The following MAST3 variants were observed in gnomAD, a reference collection of about 807,000 sequenced individuals.
MAST3 encodes microtubule associated serine/threonine kinase 3.
In MAST3, 43 loss-of-function variants were observed where a neutral mutation model predicts 127.0. The observed-to-expected ratio is 0.34, with a 90% CI of 0.27 to 0.44. The LOEUF is 0.44. Among genes scored for constraint, MAST3 ranks in the 20% least tolerant of loss-of-function variants. The pLI, the probability that MAST3 is intolerant of heterozygous loss-of-function variation, is 1.00. For synonymous variants in MAST3, 785 were observed against 809.2 expected (o/e 0.97, Z 0.51); for missense variants, 1,390 against 1,919.1 (o/e 0.72, Z 5.15).
intron 1 of MAST3, among the ~76,000 whole-genome samples, chr19:18,099,255 C>T (rs1013012484): frequency 3.5e-5 from 5 of 142,824 alleles, no homozygotes; most frequent in Non-Finnish European, 6.0e-5. Flanking sequence ...CAGAGACACC[C>T]GGTCTCTGGC....
intron 21 of MAST3, among the ~76,000 whole-genome samples, chr19:18,142,717 G>A (rs952628239): frequency 1.0e-4 from 15 of 150,268 alleles, no homozygotes; most frequent in African/African-American, 3.2e-4. Flanking sequence ...GCAGTGGCAC[G>A]ATCATAGCTC....
At position 18,144,086 on chromosome 19, in the gene MAST3, G is replaced by T; in HGVS notation, c.2584+79G>T. On this transcript the variant is annotated intron_variant, in intron 22 of 27. Transcript: ENST00000687212. The surrounding 1 kb of genome is among the most constrained non-coding windows in gnomAD (Gnocchi z 4.0). ...GGGCTATTTGAGATGGGTTTTCAAG[G>T]ATGAGTAGGAGTTCTCCAGAGCCAA... 2 of 1,502,564 alleles carry T rather than the reference G, an allele frequency of 1.3e-6. No individual in the cohort carries two copies. The highest frequency in any genetic ancestry group is 1.4e-5 in the African/African-American group (1 of 71,896). The allele number at this position is 1,502,564 out of a possible 1,614,324, so 93.1% of individuals were successfully genotyped here.
intron 1 of MAST3, among the ~76,000 whole-genome samples, chr19:18,100,361 G>A (rs1162852205): frequency 1.3e-5 from 2 of 151,782 alleles, no homozygotes; most frequent in African/African-American, 4.8e-5. Flanking sequence ...CCTGATCTCA[G>A]GTGATCCGCC....
At position 18,145,027 on chromosome 19, in the gene MAST3, T is replaced by A; in HGVS notation, c.2837T>A (p.Met946Lys). 1 of 1,595,156 alleles carries A rather than the reference T, an allele frequency of 6.3e-7. No individual in the cohort carries two copies. Among genetic ancestry groups the A allele is most frequent in the Non-Finnish European group, 8.6e-7 (1 of 1,168,742 alleles). ...TADDGSGGPL[M>K]SPLSPRSLSS... ...GATGATGGCAGCGGCGGCCCCCTCA[T>A]GAGCCCCCTTTCCCCGCGCTCTCTG... Residue 946 changes from methionine (M) to lysine (K), a missense_variant, in exon 24 of 28, where the codon ATG becomes AAG. Met to Lys is a moderately conservative substitution (Grantham distance 95). Around this residue, in one of 5 missense-constraint regions of MAST3, gnomAD observed 816 missense variants for 934.1 expected, o/e 0.87. Transcript: ENST00000687212. The surrounding 1 kb of genome is among the most constrained non-coding windows in gnomAD (Gnocchi z 5.9).
intron 3 of MAST3, among the ~76,000 whole-genome samples, chr19:18,113,608 C>A (rs1403728133): frequency 1.1e-4 from 16 of 152,040 alleles, no homozygotes; most frequent in Non-Finnish European, 2.2e-4. Context: ...TTACAGGCAT[C>A]TGCCACCACT....
At chr19:18,109,135 A>G (rs2038302326) in intron 2 of MAST3, among the ~76,000 whole-genome samples, 1 of 152,100 alleles carries the variant, frequency 6.6e-6, no homozygotes, top group Non-Finnish European at 1.5e-5. Context: ...GCTTGGGCAA[A>G]GTTTCTGGGG....
Position 18,106,966 on chromosome 19 carries a change from A to ATTTTTTT in MAST3, c.40-597_40-591dup, listed in dbSNP as rs60298417. Reference sequence around the variant, plus strand: ...CAGGCTTGAGCCACCATGCCCAGCAATTTTTTTTTTTTTTTTTTTTTTTTT... The same window carrying ATTTTTTT: ...CAGGCTTGAGCCACCATGCCCAGCAATTTTTTTTTTTTTTTTTTTTTTTTTTTTTTTT... On this transcript the variant is annotated intron_variant, in intron 1 of 27. Coordinates refer to ENST00000687212, the MANE Select transcript of MAST3 (RefSeq NM_001393504.1). 1.0e-3 allele frequency among the ~76,000 whole-genome samples: 74 copies of ATTTTTTT among 73,944 alleles called. 3 individuals are homozygous for ATTTTTTT. The highest frequency in any genetic ancestry group is 4.1e-3 in the African/African-American group (65 of 16,004). The allele number at this position is 73,944 out of a possible 152,430, so 48.5% of individuals were successfully genotyped here.
chr19:18,109,703 G>A (rs960072829), intron 2 of MAST3, among the ~76,000 whole-genome samples: 3 of 152,180 alleles, frequency 2.0e-5, no homozygotes, highest in African/African-American at 7.2e-5. Context: ...ATATGGGTGA[G>A]GGGGCGACCT....
chr19:18,142,016 G>A lies in MAST3; in HGVS notation c.2339+1G>A. 6.7e-7 allele frequency: 1 copy of A among 1,486,282 alleles called. No individual in the cohort carries two copies. Among genetic ancestry groups the A allele is most frequent in the Non-Finnish European group, 9.0e-7 (1 of 1,105,154 alleles). 92.1% of individuals were successfully genotyped at this position (1,486,282 alleles called of 1,614,324 possible). ...GCCGCCGGCTGAGTGCTGACATCCG[G>A]TAAGTGGCCTGGGGAAGTGTAGGCA... On this transcript the variant is annotated splice_donor_variant, in intron 21 of 27. Transcript: ENST00000687212. LOFTEE classifies it high-confidence loss of function.
chr19:18,099,010 G>A (rs1434965626), intron 1 of MAST3: 3 of 325,176 alleles, frequency 9.2e-6, no homozygotes, highest in South Asian at 2.4e-5. Context: ...GCAGCGGGGG[G>A]CGGTATTTAG....
chr19:18,115,851 C>T (rs1304458370), intron 3 of MAST3, among the ~76,000 whole-genome samples: 1 of 152,210 alleles, frequency 6.6e-6, no homozygotes, highest in East Asian at 1.9e-4. Context: ...AATACAATTG[C>T]ACTCCTCCCT....
At chr19:18,139,488 C>T (rs2042220245) in intron 20 of MAST3, among the ~76,000 whole-genome samples, 1 of 151,898 alleles carries the variant, frequency 6.6e-6, no homozygotes, top group Non-Finnish European at 1.5e-5. Flanking sequence ...TCACGCCCAG[C>T]TAATTTTTGT....
chr19:18,141,854 C>A, intron 20 of MAST3, 28 bp from the exon 21 acceptor site: 1 of 1,382,162 alleles, frequency 7.2e-7, no homozygotes, highest in South Asian at 1.8e-5. Context: ...CCGCACCCGG[C>A]TTACCATTCT....
intron 11 of MAST3, among the ~76,000 whole-genome samples, chr19:18,126,833 T>A (rs181928432): frequency 0.019 from 2,852 of 151,694 alleles, 90 homozygotes; most frequent in Admixed American, 0.075. Flanking sequence ...CAGGCTGGAG[T>A]GCAGTGGCAC....
At chr19:18,116,587 G>A (rs1419227704) in intron 3 of MAST3, among the ~76,000 whole-genome samples, 3 of 139,940 alleles carry the variant, frequency 2.1e-5, no homozygotes, top group Non-Finnish European at 3.1e-5. Context: ...GAGCCACCAC[G>A]CCCAGCCGAA....
chr19:18,109,342 G>A (rs2038318123), intron 2 of MAST3, among the ~76,000 whole-genome samples: 1 of 152,100 alleles, frequency 6.6e-6, no homozygotes, highest in Non-Finnish European at 1.5e-5. Context: ...CCAGTGGTTG[G>A]GGGTTGCTGG....
intron 21 of MAST3, among the ~76,000 whole-genome samples, 177 bp from the exon 22 acceptor site, chr19:18,143,586 G>A (rs2042738606): frequency 6.6e-6 from 1 of 152,064 alleles, no homozygotes; most frequent in African/African-American, 2.4e-5. Flanking sequence ...TAAAAAAAAA[G>A]GTGAATAAGC....
rs2147793909 is a variant in MAST3 at position 18,144,043 on chromosome 19, G to A, written c.2584+36G>A. 6.5e-7 allele frequency: 1 copy of A among 1,546,260 alleles called. No homozygotes were observed. Among genetic ancestry groups the A allele is most frequent in the South Asian group, 1.2e-5 (1 of 83,964 alleles). ...CCCTGAGTAAGAGGGATGATGTCAT[G>A]GAAGTTTCCCAGAGGAGGGGCTATT... is the stretch of plus-strand genomic sequence containing the variant. On this transcript the variant is annotated intron_variant, in intron 22 of 27. Transcript: ENST00000687212. This position sits in a 1 kb window ranked among gnomAD's most constrained non-coding sequence, Gnocchi z 4.0.
In MAST3 at chr19:18,106,232, C is replaced by T. The variant is rs146513461; in HGVS notation, c.40-1355C>T. On this transcript the variant is annotated intron_variant, in intron 1 of 27. Transcript: ENST00000687212. ...TCTCCTGAGTAGCTGGGATTGCAGG[C>T]GTGCAACACCACACCTGGCTAATTT... 2.6e-3 allele frequency among the ~76,000 whole-genome samples: 392 copies of T among 152,110 alleles called. 2 individuals are homozygous for T. The highest frequency in any genetic ancestry group is 0.01 in the Middle Eastern group (3 of 294).
Sources: allele counts gnomAD v4.1 joint callset (sites outside exome capture counted in the v4.1 genomes callset), GRCh38; gene constraint gnomAD v4.1.1; regional missense constraint gnomAD v4.1.1; non-coding constraint Gnocchi (gnomAD v3.1); transcripts MANE v1.5; gene names NCBI Gene and HGNC (gene_info 2026-07-23, HGNC 2026-07-21).